Variants in RFX7 observed in about 807,000 individuals in gnomAD.
RFX7 encodes the protein regulatory factor X7.
RFX7 carries 26 observed loss-of-function variants against 111.8 expected under a neutral mutation model. The observed-to-expected ratio is 0.23, with a 90% CI of 0.17 to 0.32. The LOEUF (loss-of-function observed/expected upper bound fraction) is 0.32. Ranked by LOEUF, RFX7 falls within the 10% of genes least tolerant of loss-of-function variation. RFX7 has a pLI of 1.00. For synonymous variants in RFX7, 624 were observed against 624.4 expected, an observed-to-expected ratio of 1.00 and a Z score of 0.01; for missense variants, 1,573 against 1,772.9, an observed-to-expected ratio of 0.89 and a Z score of 2.02.
At chr15:56,129,983 T>C (rs1358525766) in intron 5 of RFX7, among the ~76,000 whole-genome samples, 2 of 152,222 alleles carry the variant, frequency 1.3e-5, no homozygotes, top group Non-Finnish European at 1.5e-5. Flanking sequence ...AATTTTCTTA[T>C]ATGTACTTGC....
chr15:56,141,074 A>C (rs778348081), intron 5 of RFX7, among the ~76,000 whole-genome samples: 2 of 152,236 alleles, frequency 1.3e-5, no homozygotes, highest in Non-Finnish European at 2.9e-5. Context: ...AACCAGCAAG[A>C]CATCTTTGGA....
chr15:56,227,649 T>C (rs1444587075), intron 2 of RFX7, among the ~76,000 whole-genome samples: 4 of 152,200 alleles, frequency 2.6e-5, no homozygotes, highest in Admixed American at 1.3e-4. Flanking sequence ...TCTCAATTCC[T>C]TCATCCCAGC....
rs370504188 is a variant in RFX7, at chr15:56,149,933, C to T, written c.196-5450G>A. On this transcript the variant is annotated intron_variant, in intron 3 of 9. Transcript: ENST00000559447. The stretch of plus-strand genomic sequence containing the variant: ...TCTGGCTCAGCGGGTCCCACTCCCA[C>T]GGAGCCCAGGAAACTAAGATCCGCT... 4.2e-4 allele frequency among the ~76,000 whole-genome samples: 64 copies of T among 151,500 alleles called. No homozygotes were observed. The East Asian group carries it at 0.01, about 24-fold the overall frequency.
chr15:56,184,014 C>T (rs2141145107), intron 2 of RFX7, among the ~76,000 whole-genome samples: 1 of 149,772 alleles, frequency 6.7e-6, no homozygotes, highest in East Asian at 1.9e-4. Context: ...GTTCTAACAG[C>T]ATGTAGTTGT....
At chr15:56,220,887 C>T (rs1187671877) in intron 2 of RFX7, among the ~76,000 whole-genome samples, 4 of 152,082 alleles carry the variant, frequency 2.6e-5, no homozygotes, top group Admixed American at 1.3e-4. Flanking sequence ...AGTTTCAATT[C>T]TCTGCATATG....
At chr15:56,228,618 TA>T (rs1221989046) in intron 2 of RFX7, among the ~76,000 whole-genome samples, 1 of 152,212 alleles carries the variant, frequency 6.6e-6, no homozygotes, top group Non-Finnish European at 1.5e-5. Flanking sequence ...TTACTGACAC[TA>T]AAGATTTTAG....
intron 3 of RFX7, among the ~76,000 whole-genome samples, chr15:56,145,743 C>G (rs1202592471): frequency 2.0e-5 from 3 of 152,166 alleles, no homozygotes; most frequent in East Asian, 3.8e-4. Flanking sequence ...TTATTTAGCC[C>G]TCTAACACTC....
chr15:56,087,809 G>A lies in RFX7; in HGVS notation c.*5536C>T. On this transcript the variant is annotated 3_prime_UTR_variant, in exon 10 of 10. Coordinates refer to ENST00000559447, the MANE Select transcript of RFX7 (RefSeq NM_022841.7). ...TTCTCTAGCACCTTGTACAGAGACT[G>A]ACATATTTTAGGCACTTTATCATCT... 3.3e-6 allele frequency: 1 copy of A among 306,372 alleles called. No individual in the cohort carries two copies. Among genetic ancestry groups the A allele is most frequent in the Non-Finnish European group, 6.5e-6 (1 of 154,932 alleles). 19.0% of individuals were successfully genotyped at this position (306,372 alleles called of 1,614,324 possible). A position where few individuals can be genotyped will look rare whatever the true frequency, so the allele number is the denominator to read the frequency against.
intron 3 of RFX7, among the ~76,000 whole-genome samples, chr15:56,159,981 A>G (rs1220843307): frequency 6.6e-6 from 1 of 152,194 alleles, no homozygotes; most frequent in Non-Finnish European, 1.5e-5. Context: ...ATGTTAATGA[A>G]AAGTGATTTC....
At position 56,090,762 on chromosome 15, in the gene RFX7, A is replaced by G. The variant is rs2140504869; in HGVS notation, c.*2583T>C. On this transcript the variant is annotated 3_prime_UTR_variant, in exon 10 of 10. Coordinates refer to ENST00000559447, the MANE Select transcript of RFX7 (RefSeq NM_022841.7). ...ATCGTGTAGTAAAGCACATTATAGT[A>G]CAAGACTATTATATGAACCTCAGAA... is the stretch of plus-strand genomic sequence containing the variant. 6.5e-6 allele frequency: 1 copy of G among 152,760 alleles called. No individual in the cohort carries two copies. Among genetic ancestry groups the G allele is most frequent in the African/African-American group, 2.4e-5 (1 of 41,594 alleles). 9.5% of individuals were successfully genotyped at this position (152,760 alleles called of 1,614,324 possible).
chr15:56,172,868 T>C (rs1305913918), intron 3 of RFX7, among the ~76,000 whole-genome samples: 7 of 152,200 alleles, frequency 4.6e-5, no homozygotes, highest in African/African-American at 1.7e-4. Context: ...GACTTCTGCA[T>C]GTGGCCGCAG....
chr15:56,239,423 C>T (rs2043661808), intron 2 of RFX7, among the ~76,000 whole-genome samples: 1 of 152,112 alleles, frequency 6.6e-6, no homozygotes, highest in East Asian at 1.9e-4. Context: ...TGGGCACCAC[C>T]ACCCTCGGCT....
chr15:56,210,417 T>TA (rs2043301422), intron 2 of RFX7, among the ~76,000 whole-genome samples: 1 of 152,058 alleles, frequency 6.6e-6, no homozygotes, highest in African/African-American at 2.4e-5. Flanking sequence ...GTCCAACTGG[T>TA]ATGAAATCAG....
intron 5 of RFX7, among the ~76,000 whole-genome samples, chr15:56,140,411 C>G (rs1002947268): frequency 1.3e-5 from 2 of 152,158 alleles, no homozygotes; most frequent in African/African-American, 4.8e-5. Flanking sequence ...TTCTTTGACT[C>G]GGAAAGGGAA....
chr15:56,239,670 T>G (rs1169283097), intron 2 of RFX7, among the ~76,000 whole-genome samples: 3 of 152,166 alleles, frequency 2.0e-5, no homozygotes, highest in African/African-American at 7.2e-5. Context: ...TGTTTCAGAT[T>G]CTGGAGCATC....
At chr15:56,136,930 T>C (rs62044104) in intron 5 of RFX7, among the ~76,000 whole-genome samples, 11 of 148,808 alleles carry the variant, frequency 7.4e-5, no homozygotes, top group East Asian at 2.0e-4. Flanking sequence ...TATTGATTTG[T>C]GTATATTGAA....
At chr15:56,134,236 T>C (rs2042258937) in intron 5 of RFX7, among the ~76,000 whole-genome samples, 1 of 152,160 alleles carries the variant, frequency 6.6e-6, no homozygotes, top group Admixed American at 6.6e-5. Context: ...TGTTTTCATC[T>C]ATAAAAAGAG....
intron 2 of RFX7, among the ~76,000 whole-genome samples, chr15:56,237,709 T>C (rs1269136714): frequency 6.6e-6 from 1 of 152,160 alleles, no homozygotes; most frequent in Non-Finnish European, 1.5e-5. Flanking sequence ...AATATGTACA[T>C]ATCCACTACC....
chr15:56,134,592 CT>C (rs1440034203), intron 5 of RFX7, among the ~76,000 whole-genome samples: 1 of 91,538 alleles, frequency 1.1e-5, no homozygotes, highest in Admixed American at 1.4e-4. Context: ...ATCTAAATCA[CT>C]TTCTTTTTTT....
Sources: gnomAD v4.1 joint callset for allele counts (sites outside exome capture counted in the v4.1 genomes callset) on GRCh38, gnomAD v4.1.1 for gene constraint, MANE v1.5 for transcripts, NCBI Gene and HGNC (gene_info 2026-07-23, HGNC 2026-07-21) for gene names.